The following CTCFL variants were observed in gnomAD, a reference collection of about 807,000 sequenced individuals.
The protein encoded by CTCFL is CCCTC-binding factor like.
A neutral mutation model predicts 67.4 loss-of-function variants in CTCFL; 36 were observed. The ratio of observed to expected loss-of-function variants is 0.53; its 90% confidence interval spans 0.41 to 0.71. The LOEUF (loss-of-function observed/expected upper bound fraction) is 0.71, where lower values mean the gene tolerates loss of function less well. CTCFL is among the 30% of genes least tolerant of loss of function. The pLI is 0.00. For synonymous variants in CTCFL, 324 were observed against 302.3 expected (o/e 1.07, Z -0.75); for missense variants, 786 against 835.2 (o/e 0.94, Z 0.73).
At position 57,498,351 on chromosome 20, in the gene CTCFL, A is replaced by G. The variant is rs2067757982; in HGVS notation, c.*199T>C. 1 of 1,335,510 alleles carries G rather than the reference A, an allele frequency of 7.5e-7. No individual in the cohort carries two copies. Among genetic ancestry groups the G allele is most frequent in the Middle Eastern group, 2.9e-4 (1 of 3,476 alleles). The allele number at this position is 1,335,510 out of a possible 1,614,324, so 82.7% of individuals were successfully genotyped here. ...CTAGACACTACCTCAAACTTGTGTC[A>G]TCCATTGTCATGAACTTAATTGTTT... is the stretch of plus-strand genomic sequence containing the variant. On this transcript the variant is annotated 3_prime_UTR_variant, in exon 11 of 11. Transcript: ENST00000243914.
rs149752721 is a variant in CTCFL, at chr20:57,510,912, A to AG, written c.1491+1679dup. ...GGATTCCTATCTCTGCTCTTCCCTC[A>AG]GTCCACTGGAGTATGTTAAGTGATA... On this transcript the variant is annotated intron_variant, in intron 8 of 10. Transcript: ENST00000243914. Among the ~76,000 whole-genome samples, 477 of 152,336 alleles carry AG rather than the reference A, an allele frequency of 3.1e-3. 4 individuals are homozygous for AG. Among genetic ancestry groups the AG allele is most frequent in the African/African-American group, 0.011 (460 of 41,580 alleles).
At chr20:57,506,790 G>C in intron 9 of CTCFL, 2 of 984,920 alleles carry the variant, frequency 2.0e-6, no homozygotes, top group Non-Finnish European at 1.2e-6. Context: ...CCAAAGAGCA[G>C]TTTTTTTCTC....
chr20:57,519,772 G>A (rs2146432439), intron 3 of CTCFL, among the ~76,000 whole-genome samples: 1 of 152,262 alleles, frequency 6.6e-6, no homozygotes, highest in South Asian at 2.1e-4. Flanking sequence ...TCTGTAGGGT[G>A]AACTAAAGAT....
intron 3 of CTCFL, among the ~76,000 whole-genome samples, chr20:57,522,537 G>GTAGA (rs2069459896): frequency 6.6e-6 from 1 of 152,142 alleles, no homozygotes; most frequent in Admixed American, 6.5e-5. Context: ...TACAGACACA[G>GTAGA]TAGAGCTCTC....
At chr20:57,507,714 A>C in intron 9 of CTCFL, 1 of 703,006 alleles carries the variant, frequency 1.4e-6, no homozygotes, top group South Asian at 1.5e-5. Flanking sequence ...CCTGGCGGAC[A>C]TCCTGACTGC....
At chr20:57,513,413 C>T (rs1484876384) in intron 7 of CTCFL, 12 of 987,876 alleles carry the variant, frequency 1.2e-5, no homozygotes, top group Non-Finnish European at 1.4e-5. Context: ...TGGAGCTACT[C>T]CACCTTACCC....
chr20:57,499,329 G>A (rs949205542), intron 10 of CTCFL, among the ~76,000 whole-genome samples: 1 of 152,172 alleles, frequency 6.6e-6, no homozygotes, highest in Admixed American at 6.5e-5. Flanking sequence ...CGTTCTGCTA[G>A]GGATGCTGGG....
chr20:57,500,351 C>G (rs2067853889), intron 10 of CTCFL: 1 of 341,470 alleles, frequency 2.9e-6, no homozygotes, highest in Non-Finnish European at 5.4e-6. Context: ...GCTCCGGAGA[C>G]TGAGGCATGA....
At chr20:57,506,865 G>A in intron 9 of CTCFL, 1 of 984,970 alleles carries the variant, frequency 1.0e-6, no homozygotes. Flanking sequence ...TGTTTTGGGA[G>A]CACTGCCACA....
chr20:57,496,767 T>G (rs761676852), downstream of CTCFL, among the ~76,000 whole-genome samples: 4 of 152,232 alleles, frequency 2.6e-5, no homozygotes, highest in African/African-American at 9.6e-5. Context: ...TGTTGTAGCA[T>G]GTGTGAGGGT....
intron 3 of CTCFL, among the ~76,000 whole-genome samples, chr20:57,522,252 C>A (rs1216023826): frequency 1.3e-5 from 2 of 152,154 alleles, no homozygotes; most frequent in Non-Finnish European, 2.9e-5. Flanking sequence ...ACCTTCCAAT[C>A]CCAGGCACCT....
At chr20:57,507,664 T>C (rs1358024762) in intron 9 of CTCFL, 1 of 703,002 alleles carries the variant, frequency 1.4e-6, no homozygotes, top group South Asian at 1.5e-5. Context: ...GTCCTGGAAG[T>C]GGATCCTCTG....
At chr20:57,502,789 C>T (rs1391230550) in intron 10 of CTCFL, among the ~76,000 whole-genome samples, 3 of 152,236 alleles carry the variant, frequency 2.0e-5, no homozygotes, top group African/African-American at 7.2e-5. Flanking sequence ...GCTGTGGGGG[C>T]TGAATGGTGA....
rs780651554 is a variant in CTCFL at position 57,523,250 on chromosome 20, A to G, written c.572T>C (p.Leu191Ser). 9 of 1,613,954 alleles carry G rather than the reference A, an allele frequency of 5.6e-6. No homozygotes were observed. The highest frequency in any genetic ancestry group is 4.4e-5 in the South Asian group (4 of 91,072). ...CTGCTCCTTTGTTCTTTCAGCCAATAACTGGTTCTTCTCCTGCTCTTCCTC... is the reference window on the plus strand; with the variant it reads ...CTGCTCCTTTGTTCTTTCAGCCAATGACTGGTTCTTCTCCTGCTCTTCCTC... The part of the protein sequence containing the change: ...KLEEEQEKNQ[L>S]LAERTKEQLF... The change falls in exon 3 of 11, where the codon TTA becomes TCA. Residue 191 changes from leucine (L) to serine (S), a missense_variant. By Grantham distance (145) the Leu-to-Ser change is moderately radical. This residue lies in a region of CTCFL where 333 missense variants were observed against 304.6 expected (regional missense o/e 1.09). Transcript: ENST00000243914.
At chr20:57,496,213 G>T (rs1220094484), downstream of CTCFL, 1 of 603,198 alleles carries the variant, frequency 1.7e-6, no homozygotes, top group Non-Finnish European at 3.0e-6. Context: ...TGGTCGTTCA[G>T]AGGAGTGTGG....
chr20:57,524,541 G>A (rs148882857), intron 1 of CTCFL: 2 of 1,097,352 alleles, frequency 1.8e-6, no homozygotes, highest in Non-Finnish European at 2.2e-6. Flanking sequence ...GCATATCCTG[G>A]GCCTAGCAAG....
intron 5 of CTCFL, 81 bp from the exon 6 acceptor site, chr20:57,515,915 G>T: frequency 7.0e-7 from 1 of 1,436,814 alleles, no homozygotes; most frequent in Non-Finnish European, 9.4e-7. Flanking sequence ...TTGTAAAAGA[G>T]ATTTAAATTA....
At position 57,514,593 on chromosome 20, in the gene CTCFL, T is replaced by C; in HGVS notation, c.1329A>G (p.Leu443=). 2.0e-5 allele frequency: 33 copies of C among 1,614,148 alleles called. No homozygotes were observed. Among genetic ancestry groups the C allele is most frequent in the Non-Finnish European group, 2.7e-5 (32 of 1,179,988 alleles). ...CATIIARKSD[L]RVHMRNLHAY... Reference sequence around the variant, plus strand: ...AAGAAAGATCGCTAAACCACTCACGTAGGTCGCTTTTCCGTGCAATGATGG... The same window carrying C: ...AAGAAAGATCGCTAAACCACTCACGCAGGTCGCTTTTCCGTGCAATGATGG... Residue 443 remains leucine (L), a splice_region_variant and synonymous_variant, in exon 7 of 11, where the codon CTA becomes CTG. Coordinates refer to ENST00000243914, the MANE Select transcript of CTCFL (RefSeq NM_001386993.1).
intron 7 of CTCFL, chr20:57,513,756 G>C: frequency 3.2e-6 from 4 of 1,235,516 alleles, no homozygotes; most frequent in Non-Finnish European, 4.2e-6. Flanking sequence ...CTCATCTCCA[G>C]AATCTCTTTG....
Sources: gnomAD v4.1 joint callset for allele counts (sites outside exome capture counted in the v4.1 genomes callset) on GRCh38, gnomAD v4.1.1 for gene constraint, gnomAD v4.1.1 regional missense constraint, MANE v1.5 for transcripts, NCBI Gene and HGNC (gene_info 2026-07-23, HGNC 2026-07-21) for gene names.